The following DISC1 variants were observed in gnomAD, a reference collection of about 807,000 sequenced individuals.
DISC1 encodes DISC1 scaffold protein.
DISC1 carries 57 observed loss-of-function variants against 84.5 expected under a neutral mutation model. The observed-to-expected ratio is 0.67, with a 90% CI of 0.55 to 0.84. DISC1 has a LOEUF of 0.84. DISC1 is among the 40% of genes least tolerant of loss of function. The probability of loss-of-function intolerance (pLI) is 0.00; values close to 1 mark genes in which losing one functional copy is unlikely to be tolerated. For missense variants in DISC1, 1,000 were observed against 1,057.8 expected, an observed-to-expected ratio of 0.95 and a Z score of 0.76; for synonymous variants, 411 against 415.2, an observed-to-expected ratio of 0.99 and a Z score of 0.12.
At chr1:231,868,765 G>A (rs112085961) in intron 9 of DISC1, among the ~76,000 whole-genome samples, 2 of 145,524 alleles carry the variant, frequency 1.4e-5, no homozygotes, top group African/African-American at 5.0e-5. Context: ...AGCAACCATA[G>A]TCCTGGTCAC....
intron 6 of DISC1, among the ~76,000 whole-genome samples, chr1:231,792,372 T>C (rs2078414898): frequency 6.6e-6 from 1 of 152,148 alleles, no homozygotes; most frequent in South Asian, 2.1e-4. Flanking sequence ...TTTTGTGATA[T>C]GTTGGGCATT....
intron 8 of DISC1, chr1:231,814,998 C>T (rs1439657823): frequency 7.4e-5 from 11 of 149,122 alleles, no homozygotes; most frequent in Non-Finnish European, 8.9e-5. Flanking sequence ...TAACCTGTTT[C>T]CTAAAGTTGT....
chr1:231,870,472 G>A (rs944858242), intron 9 of DISC1, among the ~76,000 whole-genome samples: 8 of 152,236 alleles, frequency 5.3e-5, no homozygotes, highest in African/African-American at 1.9e-4. Context: ...AGAGTGTGCT[G>A]GCTTCTGTGA....
chr1:232,041,136 C>T lies in DISC1; in HGVS notation c.*4305C>T, dbSNP rs1254031084. The T allele has an allele frequency of 6.6e-6, 1 of 152,172 alleles. No individual in the cohort carries two copies. Among genetic ancestry groups the T allele is most frequent in the Non-Finnish European group, 1.5e-5 (1 of 68,026 alleles). 9.4% of individuals were successfully genotyped at this position (152,172 alleles called of 1,614,324 possible). A position where few individuals can be genotyped will look rare whatever the true frequency, so the allele number is the denominator to read the frequency against. ...AGCTGATATCCAAGGCATGGTGCAT[C>T]TTGATGATTTTTTGTCCTTTGAAGT... On this transcript the variant is annotated 3_prime_UTR_variant, in exon 13 of 13. Coordinates refer to ENST00000439617, the MANE Select transcript of DISC1 (RefSeq NM_018662.3).
At chr1:232,025,752 A>G (rs537996513) in intron 11 of DISC1, among the ~76,000 whole-genome samples, 21 of 152,044 alleles carry the variant, frequency 1.4e-4, no homozygotes, top group East Asian at 5.8e-4. Context: ...GCCCGCCACT[A>G]CGCCCGGCTA....
intron 9 of DISC1, among the ~76,000 whole-genome samples, chr1:231,864,125 A>G (rs890485224): frequency 2.0e-5 from 3 of 152,234 alleles, no homozygotes; most frequent in African/African-American, 7.2e-5. Context: ...ACACAAAATT[A>G]ACAATAAAAA....
intron 8 of DISC1, among the ~76,000 whole-genome samples, chr1:231,816,937 C>T (rs1175916100): frequency 6.6e-6 from 1 of 151,764 alleles, no homozygotes. Context: ...CCCTCCCTCC[C>T]TCTTTCACCT....
intron 9 of DISC1, among the ~76,000 whole-genome samples, chr1:231,841,335 C>T (rs1321711110): frequency 6.6e-6 from 1 of 152,216 alleles, no homozygotes; most frequent in Non-Finnish European, 1.5e-5. Flanking sequence ...AACCTACATA[C>T]CTTCCAGGGG....
intron 10 of DISC1, among the ~76,000 whole-genome samples, chr1:231,986,986 G>A (rs1305444086): frequency 6.6e-6 from 1 of 152,126 alleles, no homozygotes; most frequent in African/African-American, 2.4e-5. Flanking sequence ...GCCATTATTG[G>A]TTTTTGGCAA....
chr1:231,715,284 G>A (rs1417301168), intron 3 of DISC1, among the ~76,000 whole-genome samples: 7 of 152,162 alleles, frequency 4.6e-5, no homozygotes, highest in Non-Finnish European at 8.8e-5. Context: ...ATGCACACAC[G>A]AAGCAATTAG....
chr1:231,730,305 CA>C (rs1405197460), intron 3 of DISC1, among the ~76,000 whole-genome samples: 5 of 152,190 alleles, frequency 3.3e-5, no homozygotes, highest in Non-Finnish European at 7.3e-5. Context: ...GTCCAAAACC[CA>C]CTGTAGACAT....
chr1:231,769,126 T>C (rs1397785690), intron 5 of DISC1, among the ~76,000 whole-genome samples: 4 of 152,214 alleles, frequency 2.6e-5, no homozygotes, highest in African/African-American at 9.6e-5. Context: ...AGCAGTGAAG[T>C]GACATGATCT....
chr1:232,022,675 T>C (rs1669075764), intron 11 of DISC1, among the ~76,000 whole-genome samples: 1 of 152,288 alleles, frequency 6.6e-6, no homozygotes, highest in South Asian at 2.1e-4. Context: ...AACAGAATTT[T>C]TTACCAGATT....
At chr1:232,013,965 T>C (rs821637) in intron 11 of DISC1, among the ~76,000 whole-genome samples, 52,494 of 151,844 alleles carry the variant, frequency 0.35, 9,330 homozygotes, top group East Asian at 0.42. Flanking sequence ...GGCAGAGAGA[T>C]CTTGCTTCTG....
chr1:231,916,612 G>A (rs1349295353), intron 9 of DISC1, among the ~76,000 whole-genome samples: 4 of 136,394 alleles, frequency 2.9e-5, no homozygotes, highest in Non-Finnish European at 6.1e-5. Flanking sequence ...CCGAGATCCC[G>A]CCACTGCACT....
At chr1:231,884,046 ATC>A (rs2086486441) in intron 9 of DISC1, among the ~76,000 whole-genome samples, 2 of 151,934 alleles carry the variant, frequency 1.3e-5, no homozygotes, top group South Asian at 4.2e-4. Flanking sequence ...CACATTCAAG[ATC>A]TAAGTTTTGA....
intron 1 of DISC1, among the ~76,000 whole-genome samples, chr1:231,660,363 G>A (rs1233524202): frequency 6.6e-6 from 1 of 151,930 alleles, no homozygotes; most frequent in Non-Finnish European, 1.5e-5. Flanking sequence ...ACCTGTGTAT[G>A]TCTTGCATGT....
intron 9 of DISC1, among the ~76,000 whole-genome samples, chr1:231,904,595 G>T (rs1466735404): frequency 6.6e-6 from 1 of 152,140 alleles, no homozygotes; most frequent in Non-Finnish European, 1.5e-5. Flanking sequence ...GTGTGTATAT[G>T]TACACATGCA....
At chr1:231,796,849 G>A (rs2078804512) in intron 7 of DISC1, among the ~76,000 whole-genome samples, 1 of 152,020 alleles carries the variant, frequency 6.6e-6, no homozygotes, top group African/African-American at 2.4e-5. Flanking sequence ...CAAGTAGCTG[G>A]GACTACAGAC....
Sources: gnomAD v4.1 joint callset for allele counts (sites outside exome capture counted in the v4.1 genomes callset) on GRCh38, gnomAD v4.1.1 for gene constraint, MANE v1.5 for transcripts, NCBI Gene and HGNC (gene_info 2026-07-23, HGNC 2026-07-21) for gene names.